Variants in LINGO1 observed in about 807,000 individuals in gnomAD.
The protein encoded by LINGO1 is leucine rich repeat and Ig domain containing 1.
LINGO1 carries 11 observed loss-of-function variants against 37.3 expected under a neutral mutation model. The observed-to-expected ratio is 0.29, with a 90% CI of 0.19 to 0.49. The LOEUF is 0.49. Ranked by LOEUF, LINGO1 falls within the 20% of genes least tolerant of loss-of-function variation. LINGO1 has a pLI of 0.99. For synonymous variants in LINGO1, 387 were observed against 403.0 expected, an observed-to-expected ratio of 0.96 and a Z score of 0.48; for missense variants, 585 against 878.2, an observed-to-expected ratio of 0.67 and a Z score of 4.22.
chr15:77,819,954 T>A (rs1455628143), intron 1 of LINGO1: 1 of 150,360 alleles, frequency 6.7e-6, no homozygotes, highest in African/African-American at 2.5e-5. Flanking sequence ...CGGTCCTCGT[T>A]CTCCCCGCTG....
At chr15:77,699,680 CTG>C (rs2075750735), upstream of LINGO1, among the ~76,000 whole-genome samples, 1 of 151,068 alleles carries the variant, frequency 6.6e-6, no homozygotes, top group Admixed American at 6.6e-5. Flanking sequence ...TAACCATCAT[CTG>C]CACACAGTAA....
At chr15:77,625,768 T>C (rs573181377) in intron 1 of LINGO1, among the ~76,000 whole-genome samples, 83 of 152,300 alleles carry the variant, frequency 5.4e-4, no homozygotes, top group African/African-American at 1.6e-3. Context: ...TGCCTCCCTC[T>C]GATTCAGGTT....
chr15:77,638,984 C>T (rs1211824616), upstream of LINGO1, among the ~76,000 whole-genome samples: 5 of 152,152 alleles, frequency 3.3e-5, no homozygotes, highest in East Asian at 9.6e-4. Context: ...TACCTTTTCT[C>T]GATCACTTGC....
At chr15:77,785,574 C>T (rs530472892) in intron 1 of LINGO1, among the ~76,000 whole-genome samples, 2 of 152,284 alleles carry the variant, frequency 1.3e-5, no homozygotes, top group South Asian at 4.1e-4. Context: ...GGTCCTCTAC[C>T]CCGACCAGGG....
chr15:77,645,258 G>A (rs568403613), intron 3 of LINGO1, among the ~76,000 whole-genome samples: 7 of 152,274 alleles, frequency 4.6e-5, no homozygotes, highest in African/African-American at 1.7e-4. Flanking sequence ...AGGAGCCCTG[G>A]CCAGCCAGCT....
rs578013235 is a variant in LINGO1, at chr15:77,714,427, T to C, written c.-195+20565A>G. ...ACGGCCCCCTGCCCCTTGGAAAATA[T>C]CCCACAGCCCCAGAGTGCCATGCAA... On this transcript the variant is annotated intron_variant, in intron 2 of 3. Coordinates refer to the LINGO1 transcript ENST00000561686. 2.0e-5 allele frequency among the ~76,000 whole-genome samples: 3 copies of C among 152,100 alleles called. No homozygotes were observed. In the South Asian group the frequency reaches 6.2e-4, roughly 32 times the overall value.
intron 1 of LINGO1, among the ~76,000 whole-genome samples, chr15:77,617,151 A>G (rs529962699): frequency 6.6e-6 from 1 of 152,280 alleles, no homozygotes; most frequent in South Asian, 2.1e-4. Flanking sequence ...TCCAGCTTGC[A>G]TATAGGCTGC....
intron 2 of LINGO1, among the ~76,000 whole-genome samples, chr15:77,793,441 C>T (rs189921015): frequency 6.6e-6 from 1 of 152,214 alleles, no homozygotes; most frequent in East Asian, 1.9e-4. Context: ...CCTCAGCCTC[C>T]GGTGCAAGCC....
upstream of LINGO1, among the ~76,000 whole-genome samples, chr15:77,700,706 TCCTGCTAAA>T (rs1168508739): frequency 6.6e-6 from 1 of 152,184 alleles, no homozygotes; most frequent in Non-Finnish European, 1.5e-5. Context: ...AAGTAGCTGC[TCCTGCTAAA>T]CCTGGGTGAG....
intron 2 of LINGO1, among the ~76,000 whole-genome samples, chr15:77,702,522 T>C (rs1447924502): frequency 1.3e-5 from 2 of 152,196 alleles, no homozygotes; most frequent in Non-Finnish European, 2.9e-5. Flanking sequence ...ACAGGCTGCA[T>C]GCTCAGCACA....
intron 1 of LINGO1, among the ~76,000 whole-genome samples, chr15:77,622,635 C>T (rs2073959010): frequency 6.6e-6 from 1 of 152,204 alleles, no homozygotes; most frequent in Non-Finnish European, 1.5e-5. Context: ...ATGCGGGATC[C>T]GTTTCAGGAA....
chr15:77,630,983 C>T (rs748510544), intron 1 of LINGO1, among the ~76,000 whole-genome samples: 4 of 152,210 alleles, frequency 2.6e-5, no homozygotes, highest in African/African-American at 4.8e-5. Context: ...TTCCCAGAGG[C>T]GTGAGGATTT....
chr15:77,760,332 C>T (rs1303840833), intron 1 of LINGO1, among the ~76,000 whole-genome samples: 2 of 152,236 alleles, frequency 1.3e-5, no homozygotes, highest in African/African-American at 4.8e-5. Context: ...TCCCCCAGCC[C>T]CACCAGGCTT....
chr15:77,755,684 AC>A (rs1389808207), intron 1 of LINGO1, among the ~76,000 whole-genome samples: 1 of 151,864 alleles, frequency 6.6e-6, no homozygotes, highest in Non-Finnish European at 1.5e-5. Context: ...CCATAACCGG[AC>A]CCCCACCTGC....
intron 1 of LINGO1, among the ~76,000 whole-genome samples, chr15:77,803,497 G>A (rs1269412741): frequency 6.6e-6 from 1 of 152,046 alleles, no homozygotes; most frequent in Non-Finnish European, 1.5e-5. Flanking sequence ...GATGTTTATA[G>A]AATGAATGAA....
chr15:77,734,103 G>A (rs983222179), intron 2 of LINGO1, among the ~76,000 whole-genome samples: 3 of 152,134 alleles, frequency 2.0e-5, no homozygotes, highest in Non-Finnish European at 4.4e-5. Flanking sequence ...CGGCAAGTTA[G>A]GCCAGGGCAG....
chr15:77,728,314 G>A (rs2076122684), intron 2 of LINGO1, among the ~76,000 whole-genome samples: 1 of 152,268 alleles, frequency 6.6e-6, no homozygotes, highest in African/African-American at 2.4e-5. Context: ...CCAGCTAGAG[G>A]CAGGTGGGCT....
intron 1 of LINGO1, among the ~76,000 whole-genome samples, chr15:77,751,356 G>C (rs2076369539): frequency 6.6e-6 from 1 of 152,224 alleles, no homozygotes; most frequent in African/African-American, 2.4e-5. Flanking sequence ...TCATTACCTT[G>C]AACACCATGA....
At chr15:77,657,491 T>C (rs2074890312) in intron 3 of LINGO1, among the ~76,000 whole-genome samples, 1 of 152,168 alleles carries the variant, frequency 6.6e-6, no homozygotes, top group Non-Finnish European at 1.5e-5. Flanking sequence ...GCACACTCCA[T>C]TTCCAACTCT....
Sources: gnomAD v4.1 joint callset for allele counts (sites outside exome capture counted in the v4.1 genomes callset) on GRCh38, gnomAD v4.1.1 for gene constraint, MANE v1.5 for transcripts, NCBI Gene and HGNC (gene_info 2026-07-23, HGNC 2026-07-21) for gene names.